Variants in GSE1 observed in about 807,000 individuals in gnomAD.
GSE1 encodes Gse1 coiled-coil protein, also known as genetic suppressor element 1.
Under a neutral mutation model 112.6 loss-of-function variants are expected in GSE1, and 32 were observed. The ratio of observed to expected loss-of-function variants is 0.28; its 90% CI spans 0.21 to 0.38. GSE1 has a LOEUF of 0.38. Ranked by LOEUF, GSE1 falls within the 10% of genes least tolerant of loss-of-function variation. The probability of loss-of-function intolerance (pLI) is 1.00; values close to 1 mark genes in which losing one functional copy is unlikely to be tolerated. For synonymous variants in GSE1, 1,115 were observed against 735.6 expected (o/e 1.52, Z -8.35); for missense variants, 2,348 against 1,699.2 (o/e 1.38, Z -6.71).
At chr16:85,192,992 G>C (rs546062591) in intron 1 of GSE1, among the ~76,000 whole-genome samples, 2 of 152,340 alleles carry the variant, frequency 1.3e-5, no homozygotes, top group South Asian at 2.1e-4. Flanking sequence ...GGCTGTTGGA[G>C]GGGGCTGGGA....
chr16:85,507,453 C>A (rs575009399), intron 2 of GSE1, among the ~76,000 whole-genome samples: 3 of 152,244 alleles, frequency 2.0e-5, no homozygotes, highest in Admixed American at 2.0e-4. Context: ...CAGGGTTACT[C>A]GCCCTTGCCC....
chr16:85,636,589 C>T (rs529270912), intron 2 of GSE1, among the ~76,000 whole-genome samples: 6 of 152,330 alleles, frequency 3.9e-5, no homozygotes, highest in South Asian at 2.1e-4. Context: ...CCGGGACCCT[C>T]GGGCAGCTGA....
At chr16:85,469,240 C>CA (rs2050212931) in intron 2 of GSE1, among the ~76,000 whole-genome samples, 1 of 149,074 alleles carries the variant, frequency 6.7e-6, no homozygotes, top group Non-Finnish European at 1.5e-5. Flanking sequence ...TGCACAAGAG[C>CA]AAAACTCCAT....
chr16:85,235,196 A>G (rs531539968), intron 1 of GSE1, among the ~76,000 whole-genome samples: 6 of 152,036 alleles, frequency 3.9e-5, no homozygotes, highest in African/African-American at 7.2e-5. Flanking sequence ...GGGGCTCTCA[A>G]TTACTGAAAG....
intron 1 of GSE1, among the ~76,000 whole-genome samples, chr16:85,602,379 G>A (rs2047504705): frequency 6.6e-6 from 1 of 152,180 alleles, no homozygotes; most frequent in African/African-American, 2.4e-5. Flanking sequence ...TCAGGGAACA[G>A]GGACCCAGAA....
In GSE1 at chr16:85,276,757, C is replaced by T. The variant is rs138124901; in HGVS notation, c.2284-80706C>T. On this transcript the variant is annotated intron_variant, in intron 1 of 2. Coordinates refer to the GSE1 transcript ENST00000637419. The stretch of plus-strand genomic sequence containing the variant: ...GTGTGGGGTGGGACCTCGCTCGTGG[C>T]CCAGCAGCAGGATGTCACCCAGAAC... Among the ~76,000 whole-genome samples, 276 of 152,276 alleles carry T rather than the reference C, an allele frequency of 1.8e-3. 2 individuals are homozygous for T. The highest frequency in any genetic ancestry group is 6.3e-3 in the African/African-American group (262 of 41,558).
intron 2 of GSE1, among the ~76,000 whole-genome samples, chr16:85,495,024 C>T (rs1478755774): frequency 6.6e-6 from 1 of 152,154 alleles, no homozygotes; most frequent in African/African-American, 2.4e-5. Context: ...CCGGCCCGGC[C>T]CAGGAGTTTC....
intron 2 of GSE1, among the ~76,000 whole-genome samples, chr16:85,467,168 C>T (rs143319734): frequency 3.3e-5 from 5 of 152,198 alleles, no homozygotes; most frequent in African/African-American, 1.2e-4. Context: ...ATGGTGTGGG[C>T]ACCCGCGTCT....
chr16:85,549,455 G>A (rs1203031217), intron 2 of GSE1, among the ~76,000 whole-genome samples: 2 of 152,154 alleles, frequency 1.3e-5, no homozygotes, highest in Admixed American at 6.5e-5. Context: ...TGGGATTATG[G>A]GTATAAGCCA....
chr16:85,402,792 G>A (rs894391076), intron 2 of GSE1, among the ~76,000 whole-genome samples: 7 of 152,062 alleles, frequency 4.6e-5, no homozygotes, highest in Admixed American at 2.0e-4. Flanking sequence ...TGTGGCTCCT[G>A]TAGTCCCAGT....
At chr16:85,415,787 T>C (rs2048690990) in intron 2 of GSE1, among the ~76,000 whole-genome samples, 1 of 152,234 alleles carries the variant, frequency 6.6e-6, no homozygotes, top group African/African-American at 2.4e-5. Flanking sequence ...GTGACAGTTT[T>C]ATTGGCAGGC....
At chr16:85,475,860 G>C (rs866359768) in intron 2 of GSE1, among the ~76,000 whole-genome samples, 4 of 150,794 alleles carry the variant, frequency 2.7e-5, no homozygotes, top group South Asian at 4.2e-4. Flanking sequence ...CTGGGCTCAA[G>C]TGATCGTTCC....
At chr16:85,422,036 C>T (rs887559124) in intron 2 of GSE1, among the ~76,000 whole-genome samples, 4 of 152,126 alleles carry the variant, frequency 2.6e-5, no homozygotes, top group Non-Finnish European at 2.9e-5. Flanking sequence ...GCAGAACTCC[C>T]GCCCCACGGC....
At position 85,241,547 on chromosome 16, in the gene GSE1, A is replaced by G. The variant is rs757611194; in HGVS notation, c.2283+69740A>G. Among the ~76,000 whole-genome samples the G allele has an allele frequency of 4.4e-4, 67 of 151,918 alleles. 2 individuals carry two copies. Among genetic ancestry groups the G allele is most frequent in the East Asian group, 1.9e-4 (1 of 5,160 alleles). ...TGGTTAAACCTTTACCTCACACCGC[A>G]GGGAGGGGGCCTTGGTGAGTCTCTG... On this transcript the variant is annotated intron_variant, in intron 1 of 2. Transcript: ENST00000637419.
chr16:85,507,891 T>C (rs2051592327), intron 2 of GSE1, among the ~76,000 whole-genome samples: 1 of 152,120 alleles, frequency 6.6e-6, no homozygotes, highest in African/African-American at 2.4e-5. Flanking sequence ...ATCAGAAGAG[T>C]TGCGAGCACA....
intron 1 of GSE1, among the ~76,000 whole-genome samples, chr16:85,309,322 C>A (rs1467519653): frequency 1.3e-5 from 2 of 151,976 alleles, no homozygotes; most frequent in Non-Finnish European, 2.9e-5. Flanking sequence ...CGTAGTGAGA[C>A]CCCTATCTCT....
At chr16:85,609,884 T>C (rs1360916169), upstream of GSE1, among the ~76,000 whole-genome samples, 1 of 152,192 alleles carries the variant, frequency 6.6e-6, no homozygotes, top group Non-Finnish European at 1.5e-5. Flanking sequence ...CTCGAACTCC[T>C]GATCTCAAGC....
At chr16:85,170,772 C>A (rs2143113836) in exon 1 of GSE1, 1 of 985,514 alleles carries the variant, frequency 1.0e-6, no homozygotes, top group Non-Finnish European at 1.2e-6. Context: ...TCAGCGAGGG[C>A]GGCAGTACCT....
chr16:85,268,062 G>T (rs868025452), intron 1 of GSE1, among the ~76,000 whole-genome samples: 31 of 152,172 alleles, frequency 2.0e-4, no homozygotes, highest in African/African-American at 7.0e-4. Context: ...CTTTGTCACG[G>T]TTGGTAAGGA....
Sources: gnomAD v4.1 joint callset for allele counts (sites outside exome capture counted in the v4.1 genomes callset) on GRCh38, gnomAD v4.1.1 for gene constraint, MANE v1.5 for transcripts, NCBI Gene and HGNC (gene_info 2026-07-23, HGNC 2026-07-21) for gene names.